The following PRDM16 variants were observed in gnomAD, a reference collection of about 807,000 sequenced individuals.
PRDM16 encodes PR/SET domain 16.
Under a neutral mutation model 110.6 loss-of-function variants are expected in PRDM16, and 23 were observed. That is an observed-to-expected ratio of 0.21 (90% CI 0.15 to 0.29). The LOEUF (loss-of-function observed/expected upper bound fraction) is 0.29, where lower values mean the gene tolerates loss of function less well. PRDM16 is among the 10% of genes least tolerant of loss of function. PRDM16 has a pLI of 1.00. For synonymous variants in PRDM16, 799 were observed against 781.8 expected (o/e 1.02, Z -0.37); for missense variants, 1,615 against 1,794.3 (o/e 0.90, Z 1.81).
At chr1:3,337,671 G>A (rs1404130210) in intron 3 of PRDM16, among the ~76,000 whole-genome samples, 1 of 152,162 alleles carries the variant, frequency 6.6e-6, no homozygotes, top group African/African-American at 2.4e-5. Flanking sequence ...AACCATCTCT[G>A]CCCCAGGCTG....
chr1:3,237,249 C>T (rs948438149), intron 2 of PRDM16, among the ~76,000 whole-genome samples: 37 of 152,058 alleles, frequency 2.4e-4, no homozygotes, highest in Non-Finnish European at 4.9e-4. Flanking sequence ...CAGAGCTCCC[C>T]CCAGGCTTCC....
chr1:3,290,871 C>T lies in PRDM16; in HGVS notation c.438+46734C>T, dbSNP rs533227100. ...GGAAGGGCCCGGAGCACTGGGGGCCCGAGGTATCTTTCAAAGAGTGATGGT... is the reference window on the plus strand; with the variant it reads ...GGAAGGGCCCGGAGCACTGGGGGCCTGAGGTATCTTTCAAAGAGTGATGGT... On this transcript the variant is annotated intron_variant, in intron 3 of 16. Coordinates refer to ENST00000270722, the MANE Select transcript of PRDM16 (RefSeq NM_022114.4). The surrounding 1 kb of genome is among the most constrained non-coding windows in gnomAD (Gnocchi z 4.8). Among the ~76,000 whole-genome samples the T allele has an allele frequency of 3.3e-5, 5 of 151,862 alleles. No individual in the cohort carries two copies. Among genetic ancestry groups the T allele is most frequent in the South Asian group, 2.1e-4 (1 of 4,814 alleles).
intron 3 of PRDM16, chr1:3,307,916 C>T (rs1353585456): frequency 1.1e-4 from 17 of 152,164 alleles, no homozygotes; most frequent in Admixed American, 7.2e-4. Context: ...GAAAGGGGTC[C>T]CTGCCGCGTG....
intron 3 of PRDM16, among the ~76,000 whole-genome samples, chr1:3,341,560 C>A (rs983492250): frequency 6.6e-6 from 1 of 152,256 alleles, no homozygotes; most frequent in African/African-American, 2.4e-5. Flanking sequence ...AGAACACACA[C>A]ACACACGCGT....
At chr1:3,231,695 C>T (rs1230899362) in intron 2 of PRDM16, among the ~76,000 whole-genome samples, 1 of 152,208 alleles carries the variant, frequency 6.6e-6, no homozygotes, top group African/African-American at 2.4e-5. Context: ...TGGCCTTGGC[C>T]GTACGTCTGC....
chr1:3,362,792 C>A, intron 3 of PRDM16, among the ~76,000 whole-genome samples: 1 of 152,214 alleles, frequency 6.6e-6, no homozygotes, highest in Non-Finnish European at 1.5e-5. Context: ...ACGGTCTCCT[C>A]CCAGGCTGCC....
chr1:3,393,642 A>T (rs1418037223), intron 4 of PRDM16, among the ~76,000 whole-genome samples: 1 of 151,718 alleles, frequency 6.6e-6, no homozygotes, highest in Non-Finnish European at 1.5e-5. Flanking sequence ...AAGTCGCCTG[A>T]CCCCGCCGGC....
At chr1:3,388,095 C>G (rs1030841209) in intron 4 of PRDM16, among the ~76,000 whole-genome samples, 2 of 152,214 alleles carry the variant, frequency 1.3e-5, no homozygotes, top group African/African-American at 4.8e-5. Flanking sequence ...ATTAATAAAG[C>G]CAAGAATTTT....
intron 3 of PRDM16, among the ~76,000 whole-genome samples, chr1:3,295,646 C>T (rs906736439): frequency 6.6e-6 from 1 of 152,212 alleles, no homozygotes; most frequent in African/African-American, 2.4e-5. Flanking sequence ...GACTTGACCG[C>T]CAGGCTCTGA....
At chr1:3,076,010 C>T (rs1388160341) in intron 1 of PRDM16, among the ~76,000 whole-genome samples, 2 of 152,172 alleles carry the variant, frequency 1.3e-5, no homozygotes, top group Non-Finnish European at 2.9e-5. Context: ...GTGGGGTGCC[C>T]ACTTCAAATG....
At chr1:3,261,184 C>T (rs1290958557) in intron 3 of PRDM16, among the ~76,000 whole-genome samples, 6 of 151,872 alleles carry the variant, frequency 4.0e-5, no homozygotes, top group Admixed American at 3.9e-4. Flanking sequence ...TCCCTCACGC[C>T]CTGGTCCTCT....
intron 1 of PRDM16, among the ~76,000 whole-genome samples, chr1:3,138,452 G>A (rs1157030761): frequency 6.6e-6 from 1 of 152,200 alleles, no homozygotes; most frequent in Non-Finnish European, 1.5e-5. Context: ...CCGGCGTTGG[G>A]GTCTCCGTCC....
intron 14 of PRDM16, among the ~76,000 whole-genome samples, chr1:3,427,062 G>A (rs942652649): frequency 1.4e-4 from 21 of 152,236 alleles, no homozygotes; most frequent in Non-Finnish European, 2.4e-4. Context: ...ACGGACAGCC[G>A]TGTGCGTACA....
intron 1 of PRDM16, among the ~76,000 whole-genome samples, chr1:3,165,581 TCACCTGGGCCCAGGGACAGG>T: frequency 8.7e-6 from 1 of 114,412 alleles, no homozygotes; most frequent in Non-Finnish European, 1.7e-5. Flanking sequence ...GGACAGGGAC[TCACCTGGGCCCAGGGACAGG>T]GACTCACCTG....
rs1452050455 is a variant in PRDM16, at chr1:3,390,829, A to G, written c.573+5543A>G. On this transcript the variant is annotated intron_variant, in intron 4 of 16. Coordinates refer to ENST00000270722, the MANE Select transcript of PRDM16 (RefSeq NM_022114.4). The surrounding 1 kb of genome is among the most constrained non-coding windows in gnomAD (Gnocchi z 5.0). ...TATTCCCTTTGCTTTTATCTCTCAC[A>G]GTGTGTTTTTTTTTTTTTTTTTTTA... is the stretch of plus-strand genomic sequence containing the variant. Among the ~76,000 whole-genome samples the G allele has an allele frequency of 1.1e-4, 14 of 132,672 alleles. No homozygotes were observed. Among genetic ancestry groups the G allele is most frequent in the Non-Finnish European group, 7.9e-5 (5 of 63,540 alleles). 87.0% of individuals were successfully genotyped at this position (132,672 alleles called of 152,430 possible).
chr1:3,125,749 G>A (rs1040547529), intron 1 of PRDM16, among the ~76,000 whole-genome samples: 4 of 152,202 alleles, frequency 2.6e-5, no homozygotes, highest in African/African-American at 4.8e-5. Context: ...TGGTCTGCGC[G>A]GGGGGCACTG....
At chr1:3,304,455 T>G (rs1255603258) in intron 3 of PRDM16, among the ~76,000 whole-genome samples, 1 of 152,208 alleles carries the variant, frequency 6.6e-6, no homozygotes, top group Non-Finnish European at 1.5e-5. Flanking sequence ...CTGCCCCGTT[T>G]TATACGAACA....
At chr1:3,428,909 G>A (rs770569526) in intron 14 of PRDM16, among the ~76,000 whole-genome samples, 6 of 152,258 alleles carry the variant, frequency 3.9e-5, no homozygotes, top group African/African-American at 4.8e-5. Flanking sequence ...GGGGCACTTG[G>A]AGAAAATCAC....
intron 3 of PRDM16, among the ~76,000 whole-genome samples, chr1:3,369,611 A>T (rs1048308191): frequency 1.3e-5 from 2 of 152,240 alleles, no homozygotes; most frequent in Non-Finnish European, 2.9e-5. Context: ...ACTGTGGCTG[A>T]GCTCCAGGCT....
Sources: allele counts gnomAD v4.1 joint callset (sites outside exome capture counted in the v4.1 genomes callset), GRCh38; gene constraint gnomAD v4.1.1; non-coding constraint Gnocchi (gnomAD v3.1); transcripts MANE v1.5; gene names NCBI Gene and HGNC (gene_info 2026-07-23, HGNC 2026-07-21).